Variants in CACNA1G observed in about 807,000 individuals in gnomAD.
CACNA1G encodes the protein calcium voltage-gated channel subunit alpha1 G, also known as voltage-dependent T-type calcium channel subunit alpha-1G.
CACNA1G carries 67 observed loss-of-function variants against 219.4 expected under a neutral mutation model. The ratio of observed to expected loss-of-function variants is 0.31; its 90% CI spans 0.25 to 0.37. CACNA1G has a LOEUF of 0.37. Among genes scored for constraint, CACNA1G ranks in the 10% least tolerant of loss-of-function variants. The pLI is 1.00. For missense variants in CACNA1G, 2,380 were observed against 3,231.4 expected (o/e 0.74, Z 6.39); for synonymous variants, 1,296 against 1,345.3 (o/e 0.96, Z 0.80).
At chr17:50,616,244 G>A (rs774478544) in intron 27 of CACNA1G, 31 bp from the exon 28 acceptor site, 25 of 1,401,730 alleles carry the variant, frequency 1.8e-5, no homozygotes, top group Non-Finnish European at 2.4e-5. Flanking sequence ...GGGCCTTAAG[G>A]GACCCTGCAT....
At chr17:50,595,157 C>T in intron 14 of CACNA1G, 96 bp downstream of exon 14, 1 of 896,278 alleles carries the variant, frequency 1.1e-6, no homozygotes, top group Non-Finnish European at 1.8e-6. Context: ...TCACGCTCCG[C>T]TGCTGTGCAA....
rs1309365245 is a variant in CACNA1G, at chr17:50,618,479, C to G, written c.5427+136C>G. The G allele has an allele frequency of 2.3e-6, 3 of 1,281,836 alleles. No individual in the cohort carries two copies. The highest frequency in any genetic ancestry group is 2.2e-6 in the Non-Finnish European group (2 of 908,788). The allele number at this position is 1,281,836 out of a possible 1,614,324, so 79.4% of individuals were successfully genotyped here. Reference sequence around the variant, plus strand: ...CCGTGCTAGAACACTCTGGAACTCCCTCTCCCAGGAACATGCTCTGACTCA... The same window carrying G: ...CCGTGCTAGAACACTCTGGAACTCCGTCTCCCAGGAACATGCTCTGACTCA... On this transcript the variant is annotated intron_variant, in intron 32 of 37. Transcript: ENST00000359106. This position sits in a 1 kb window ranked among gnomAD's most constrained non-coding sequence, Gnocchi z 5.3.
At chr17:50,562,160 G>A (rs1665895972) in intron 1 of CACNA1G, 1 of 152,036 alleles carries the variant, frequency 6.6e-6, no homozygotes, top group Admixed American at 6.5e-5. Flanking sequence ...GAAGCTGCGG[G>A]GACGGAGGAG....
chr17:50,607,182 T>C (rs1389020099), intron 24 of CACNA1G, 193 bp downstream of exon 24: 1 of 652,436 alleles, frequency 1.5e-6, no homozygotes, highest in African/African-American at 1.8e-5. Context: ...GTTTAACATG[T>C]TTTGAATTAG....
Position 50,611,844 on chromosome 17 carries a change from C to T in CACNA1G, c.4759+1909C>T, listed in dbSNP as rs567680432. Among the ~76,000 whole-genome samples, 2 of 152,334 alleles carry T rather than the reference C, an allele frequency of 1.3e-5. 1 individual carries two copies. The highest frequency in any genetic ancestry group is 4.1e-4 in the South Asian group (2 of 4,828). ...TGGCTCCTAAGACGTGACTCACCCA[C>T]TCAGTGCTAAACACTCTCGTGACCC... On this transcript the variant is annotated intron_variant, in intron 26 of 37. Coordinates refer to ENST00000359106, the MANE Select transcript of CACNA1G (RefSeq NM_018896.5).
At chr17:50,580,180 G>T (rs767667798) in intron 9 of CACNA1G, among the ~76,000 whole-genome samples, 42 of 152,136 alleles carry the variant, frequency 2.8e-4, no homozygotes, top group Non-Finnish European at 5.1e-4. Flanking sequence ...GTTGTGTCTG[G>T]GCTACGTGGG....
intron 9 of CACNA1G, among the ~76,000 whole-genome samples, chr17:50,586,112 G>A (rs1416574894): frequency 6.6e-6 from 1 of 152,150 alleles, no homozygotes; most frequent in Non-Finnish European, 1.5e-5. Flanking sequence ...CTCCTGCCTG[G>A]ACTGCTGCAG....
In CACNA1G at chr17:50,569,795, G is replaced by A. The variant is rs1232597663; in HGVS notation, c.578G>A (p.Arg193Gln). 6.5e-7 allele frequency: 1 copy of A among 1,549,952 alleles called. No individual in the cohort carries two copies. Among genetic ancestry groups the A allele is most frequent in the Non-Finnish European group, 8.7e-7 (1 of 1,146,660 alleles). ...RVLRPLRAINRVPSMRILVTL... is the reference protein window; with the variant it reads ...RVLRPLRAINQVPSMRILVTL... The stretch of plus-strand genomic sequence containing the variant: ...CTGCGACCGCTCAGGGCCATTAACC[G>A]GGTGCCCAGTGAGTGACCCCTCAGC... The change falls in exon 4 of 38, where the codon CGG becomes CAG. Residue 193 changes from arginine to glutamine, a missense_variant. Arg to Gln is a conservative substitution (Grantham distance 43). Coordinates refer to ENST00000359106, the MANE Select transcript of CACNA1G (RefSeq NM_018896.5).
At chr17:50,608,237 C>G (rs2048366826) in intron 25 of CACNA1G, among the ~76,000 whole-genome samples, 1 of 152,088 alleles carries the variant, frequency 6.6e-6, no homozygotes, top group African/African-American at 2.4e-5. Flanking sequence ...GGAGCTGTCC[C>G]CACCCTGGGG....
chr17:50,606,666 C>T (rs2048033480), intron 23 of CACNA1G, among the ~76,000 whole-genome samples: 1 of 152,184 alleles, frequency 6.6e-6, no homozygotes, highest in East Asian at 1.9e-4. Context: ...TGTCCCTTCT[C>T]CTACCTGGCG....
At chr17:50,584,739 G>T (rs1249335743) in intron 9 of CACNA1G, among the ~76,000 whole-genome samples, 4 of 143,252 alleles carry the variant, frequency 2.8e-5, no homozygotes, top group Admixed American at 2.6e-4. Flanking sequence ...GAGGAGGGAC[G>T]TGGAGCCCCC....
At chr17:50,597,041 G>GC in intron 16 of CACNA1G, 118 bp downstream of exon 16, 1 of 938,992 alleles carries the variant, frequency 1.1e-6, no homozygotes. Context: ...GCTGGATGGG[G>GC]CCTGGGTGTG....
At chr17:50,624,790 A>G (rs1027582079) in intron 37 of CACNA1G, among the ~76,000 whole-genome samples, 4 of 152,120 alleles carry the variant, frequency 2.6e-5, no homozygotes, top group African/African-American at 9.7e-5. Flanking sequence ...GGTCATGCCT[A>G]TCTGGTCGGA....
intron 2 of CACNA1G, 48 bp downstream of exon 2, chr17:50,569,029 G>A (rs760078615): frequency 3.4e-6 from 3 of 889,460 alleles, no homozygotes; most frequent in African/African-American, 3.6e-5. Context: ...GTGTGTTGGG[G>A]GTTGGCCCCT....
intron 1 of CACNA1G, among the ~76,000 whole-genome samples, chr17:50,566,475 T>A (rs1246035314): frequency 6.6e-6 from 1 of 152,214 alleles, no homozygotes; most frequent in Non-Finnish European, 1.5e-5. Flanking sequence ...AAGAAGGGGC[T>A]GACATGATCA....
At chr17:50,574,011 C>T (rs1386006242) in intron 7 of CACNA1G, among the ~76,000 whole-genome samples, 1 of 152,208 alleles carries the variant, frequency 6.6e-6, no homozygotes, top group East Asian at 1.9e-4. Flanking sequence ...GTATTAATCT[C>T]CAAGAGTGGG....
intron 14 of CACNA1G, among the ~76,000 whole-genome samples, 168 bp downstream of exon 14, chr17:50,595,229 C>G (rs1164910925): frequency 1.3e-5 from 2 of 152,188 alleles, no homozygotes; most frequent in Non-Finnish European, 2.9e-5. Context: ...AGTCCCTTCC[C>G]CCTTGAGGAC....
intron 9 of CACNA1G, among the ~76,000 whole-genome samples, chr17:50,579,151 C>A (rs1315144289): frequency 6.6e-6 from 1 of 152,128 alleles, no homozygotes; most frequent in East Asian, 1.9e-4. Flanking sequence ...GAGTGCCCAG[C>A]ATGGCAAGGG....
rs141381056 is a variant in CACNA1G at position 50,599,067 on chromosome 17, C to A, written c.3259-361C>A. ...GAGGAATGTCTATTCAGGCCCTTTG[C>A]CCATTTTTTAGATTGGGTTGATTTT... On this transcript the variant is annotated intron_variant, in intron 16 of 37. Coordinates refer to ENST00000359106, the MANE Select transcript of CACNA1G (RefSeq NM_018896.5). Among the ~76,000 whole-genome samples, 18 of 152,288 alleles carry A rather than the reference C, an allele frequency of 1.2e-4. No homozygotes were observed. The East Asian group carries it at 2.5e-3, about 21-fold the overall frequency.
Sources: allele counts gnomAD v4.1 joint callset (sites outside exome capture counted in the v4.1 genomes callset), GRCh38; gene constraint gnomAD v4.1.1; non-coding constraint Gnocchi (gnomAD v3.1); transcripts MANE v1.5; gene names NCBI Gene and HGNC (gene_info 2026-07-23, HGNC 2026-07-21).